The following SLC17A5 variants were observed in gnomAD, a reference collection of about 807,000 sequenced individuals.
SLC17A5 encodes solute carrier family 17 member 5, also known as sialin.
SLC17A5 carries 47 observed loss-of-function variants against 59.4 expected under a neutral mutation model. That is an observed-to-expected ratio of 0.79 (90% CI 0.63 to 1.01). The LOEUF (loss-of-function observed/expected upper bound fraction) is 1.01, where lower values mean the gene tolerates loss of function less well. SLC17A5 is among the 50% of genes least tolerant of loss of function. The probability of loss-of-function intolerance (pLI) is 0.00; values close to 1 mark genes in which losing one functional copy is unlikely to be tolerated. For missense variants in SLC17A5, 522 were observed against 595.5 expected (o/e 0.88, Z 1.28); for synonymous variants, 202 against 210.7 (o/e 0.96, Z 0.36).
At chr6:73,653,286 A>G in intron 1 of SLC17A5, 1 of 985,424 alleles carries the variant, frequency 1.0e-6, no homozygotes, top group Non-Finnish European at 1.2e-6. Flanking sequence ...GCTGGCGGAT[A>G]CGCAGTGGCG....
intron 10 of SLC17A5, among the ~76,000 whole-genome samples, chr6:73,596,436 C>A (rs1766802291): frequency 6.6e-6 from 1 of 152,152 alleles, no homozygotes; most frequent in African/African-American, 2.4e-5. Context: ...CAGTGTATAA[C>A]CCTGTGGCAT....
At chr6:73,609,938 G>T (rs1045471039) in intron 9 of SLC17A5, among the ~76,000 whole-genome samples, 2 of 152,104 alleles carry the variant, frequency 1.3e-5, no homozygotes, top group African/African-American at 4.8e-5. Flanking sequence ...AATTGCTCTA[G>T]AGATTGTTGG....
intron 9 of SLC17A5, among the ~76,000 whole-genome samples, chr6:73,601,526 C>T (rs1255043895): frequency 1.7e-5 from 2 of 117,468 alleles, no homozygotes; most frequent in African/African-American, 7.6e-5. Context: ...GTCAGCCCCC[C>T]GCCCGGCCAG....
intron 3 of SLC17A5, among the ~76,000 whole-genome samples, chr6:73,639,708 TGAA>T (rs1769187252): frequency 6.6e-6 from 1 of 152,226 alleles, no homozygotes; most frequent in Non-Finnish European, 1.5e-5. Flanking sequence ...ATTGAAGGGA[TGAA>T]GAAGGACGAG....
At chr6:73,646,048 A>G (rs942657664) in intron 1 of SLC17A5, among the ~76,000 whole-genome samples, 2 of 152,216 alleles carry the variant, frequency 1.3e-5, no homozygotes, top group Non-Finnish European at 2.9e-5. Flanking sequence ...GTAAACTCTG[A>G]GTGGCTGATA....
At chr6:73,608,405 G>A (rs1057431867) in intron 9 of SLC17A5, among the ~76,000 whole-genome samples, 1 of 152,016 alleles carries the variant, frequency 6.6e-6, no homozygotes, top group African/African-American at 2.4e-5. Flanking sequence ...ATTGTTGCTG[G>A]CAATCATTTC....
intron 2 of SLC17A5, among the ~76,000 whole-genome samples, chr6:73,643,096 GT>G (rs1232460589): frequency 6.6e-6 from 1 of 152,094 alleles, no homozygotes; most frequent in Non-Finnish European, 1.5e-5. Context: ...ATTCATCTAA[GT>G]ATGAACTAGT....
chr6:73,616,488 A>C (rs545754509), intron 7 of SLC17A5, among the ~76,000 whole-genome samples: 33 of 151,650 alleles, frequency 2.2e-4, no homozygotes, highest in Admixed American at 7.3e-4. Context: ...TCTATTTCTT[A>C]AAATTTATCG....
Position 73,635,384 on chromosome 6 carries a change from G to C in SLC17A5, c.817C>G (p.Gln273Glu). 1 of 1,516,420 alleles carries C rather than the reference G, an allele frequency of 6.6e-7. No individual in the cohort carries two copies. The highest frequency in any genetic ancestry group is 9.1e-7 in the Non-Finnish European group (1 of 1,093,802). 93.9% of individuals were successfully genotyped at this position (1,516,420 alleles called of 1,614,324 possible). ...TTAAAATGTGTCAAAGTCCATACCT[G>C]ATTTCTTAATGATGAAAGAATGTAT... ...KEYILSSLRN[Q>E]LSSQKSVPWV... The change falls in exon 6 of 11, where the codon CAG (glutamine) becomes GAG (glutamate). Residue 273 changes from glutamine (Q) to glutamate (E), a missense_variant and splice_region_variant. Around this residue, in one of 3 missense-constraint regions of SLC17A5, gnomAD observed 338 missense variants for 363.8 expected, o/e 0.93. Transcript: ENST00000355773.
At chr6:73,630,544 C>A (rs1768652798) in intron 6 of SLC17A5, among the ~76,000 whole-genome samples, 1 of 152,140 alleles carries the variant, frequency 6.6e-6, no homozygotes, top group Non-Finnish European at 1.5e-5. Flanking sequence ...ACAAATACTT[C>A]ATGGCATCCC....
chr6:73,645,291 C>T, intron 1 of SLC17A5: 8 of 984,342 alleles, frequency 8.1e-6, no homozygotes, highest in Non-Finnish European at 8.4e-6. Context: ...TTTCTTACCT[C>T]GAAGAGTATC....
intron 1 of SLC17A5, chr6:73,653,527 CG>C: frequency 1.1e-6 from 1 of 950,526 alleles, no homozygotes; most frequent in Non-Finnish European, 1.2e-6. Flanking sequence ...CCCCCGCCCC[CG>C]CCCGGTGGGG....
Position 73,612,769 on chromosome 6 carries a change from AG to A in SLC17A5, c.1112-2223del, listed in dbSNP as rs537216010. 1.0e-3 allele frequency among the ~76,000 whole-genome samples: 154 copies of A among 152,234 alleles called. 1 individual carries two copies. Among genetic ancestry groups the A allele is most frequent in the Non-Finnish European group, 1.5e-3 (104 of 68,000 alleles). On this transcript the variant is annotated intron_variant, in intron 8 of 10. Transcript: ENST00000355773. ...AGATAGTTTTAAAAGTTACCTTTCT[AG>A]GCCAGGCACAGTGGCTCACGCCTGT...
chr6:73,616,763 C>T (rs1767891378), intron 7 of SLC17A5, among the ~76,000 whole-genome samples: 1 of 152,020 alleles, frequency 6.6e-6, no homozygotes. Flanking sequence ...CGTGTGTCAC[C>T]ACGCCCGGCT....
intron 8 of SLC17A5, among the ~76,000 whole-genome samples, chr6:73,613,162 G>A (rs1034934157): frequency 6.6e-6 from 1 of 151,982 alleles, no homozygotes; most frequent in African/African-American, 2.4e-5. Flanking sequence ...AAATATTTTT[G>A]GATTGAAACT....
chr6:73,610,713 A>G (rs1767606592), intron 8 of SLC17A5, among the ~76,000 whole-genome samples, 166 bp from the exon 9 acceptor site: 1 of 152,158 alleles, frequency 6.6e-6, no homozygotes, highest in Non-Finnish European at 1.5e-5. Flanking sequence ...GCTGGAAAAC[A>G]TGGGCGTAAT....
At chr6:73,617,855 C>T (rs1387404222) in intron 7 of SLC17A5, among the ~76,000 whole-genome samples, 1 of 152,114 alleles carries the variant, frequency 6.6e-6, no homozygotes, top group Non-Finnish European at 1.5e-5. Flanking sequence ...AGCATTTATA[C>T]ATTCCACAGG....
At chr6:73,623,449 C>T (rs923192697) in intron 6 of SLC17A5, among the ~76,000 whole-genome samples, 1 of 152,022 alleles carries the variant, frequency 6.6e-6, no homozygotes, top group South Asian at 2.1e-4. Context: ...AATCTCCGGC[C>T]TCAGCCCCCC....
intron 3 of SLC17A5, among the ~76,000 whole-genome samples, chr6:73,639,376 T>TG (rs1769170927): frequency 6.6e-6 from 1 of 152,294 alleles, no homozygotes; most frequent in South Asian, 2.1e-4. Context: ...GAAGAATAAA[T>TG]GTTTTAATAC....
Sources: allele counts gnomAD v4.1 joint callset (sites outside exome capture counted in the v4.1 genomes callset), GRCh38; gene constraint gnomAD v4.1.1; regional missense constraint gnomAD v4.1.1; transcripts MANE v1.5; gene names NCBI Gene and HGNC (gene_info 2026-07-23, HGNC 2026-07-21).